The following SORCS3 variants were observed in gnomAD, a reference collection of about 807,000 sequenced individuals.
SORCS3 encodes sortilin related VPS10 domain containing receptor 3, also known as VPS10 domain-containing receptor SorCS3.
SORCS3 carries 57 observed loss-of-function variants against 146.3 expected under a neutral mutation model. The observed-to-expected ratio is 0.39, with a 90% CI of 0.31 to 0.49. The LOEUF is 0.49. Ranked by LOEUF, SORCS3 falls within the 20% of genes least tolerant of loss-of-function variation. The pLI is 0.92. For missense variants in SORCS3, 1,341 were observed against 1,575.5 expected (o/e 0.85, Z 2.52); for synonymous variants, 653 against 618.5 (o/e 1.06, Z -0.83).
chr10:105,131,103 G>T (rs1202822766), intron 7 of SORCS3, among the ~76,000 whole-genome samples: 7 of 152,142 alleles, frequency 4.6e-5, no homozygotes, highest in African/African-American at 1.7e-4. Context: ...AGCCTGTTTT[G>T]TTTTATTTTG....
intron 20 of SORCS3, among the ~76,000 whole-genome samples, chr10:105,241,647 C>A (rs796937263): frequency 3.3e-5 from 5 of 152,196 alleles, no homozygotes; most frequent in African/African-American, 1.2e-4. Flanking sequence ...TTTTACTGAG[C>A]AATGAAAACA....
rs778341948 is a variant in SORCS3 at position 105,200,089 on chromosome 10, C to T, written c.2100C>T (p.Asp700=). 3 of 1,613,528 alleles carry T rather than the reference C, an allele frequency of 1.9e-6. No individual in the cohort carries two copies. In the South Asian group the frequency reaches 3.3e-5, roughly 18 times the overall value. The change falls in exon 15 of 27, where the codon GAC becomes GAT. Residue 700 remains aspartate, a synonymous_variant. Coordinates refer to ENST00000369701, the MANE Select transcript of SORCS3 (RefSeq NM_014978.3). The stretch of plus-strand genomic sequence containing the variant: ...TCAGCCGGCATTGCACCAAGGAGGA[C>T]TATCAGACCTGGCACCTGCTCAATC... ...SIFSRHCTKE[D]YQTWHLLNQG...
chr10:105,053,821 A>G (rs1006737545), intron 5 of SORCS3, among the ~76,000 whole-genome samples: 1 of 152,076 alleles, frequency 6.6e-6, no homozygotes, highest in Non-Finnish European at 1.5e-5. Context: ...ATTAAAGTAA[A>G]CATTATAATG....
chr10:105,223,634 AG>A (rs1170469035), intron 20 of SORCS3, among the ~76,000 whole-genome samples: 1 of 152,234 alleles, frequency 6.6e-6, no homozygotes, highest in Non-Finnish European at 1.5e-5. Context: ...ATCTAAATGT[AG>A]GGTTGCCAAA....
chr10:104,887,374 A>G (rs1421952083), intron 2 of SORCS3, among the ~76,000 whole-genome samples: 5 of 152,186 alleles, frequency 3.3e-5, no homozygotes. Context: ...GGAAACAAAT[A>G]TGGATCTTGG....
chr10:104,813,148 G>A (rs779774972), intron 1 of SORCS3, among the ~76,000 whole-genome samples: 33 of 152,228 alleles, frequency 2.2e-4, no homozygotes, highest in South Asian at 6.2e-4. Context: ...TCTCTTAAAT[G>A]TGCCAAAGTA....
intron 4 of SORCS3, among the ~76,000 whole-genome samples, chr10:105,002,436 G>A (rs964646904): frequency 3.3e-4 from 50 of 152,294 alleles, no homozygotes; most frequent in Middle Eastern, 3.4e-3. Context: ...ATATCCTAGA[G>A]AGTAACATGA....
chr10:105,030,739 T>C (rs2055261039), intron 4 of SORCS3, among the ~76,000 whole-genome samples: 1 of 151,974 alleles, frequency 6.6e-6, no homozygotes, highest in Non-Finnish European at 1.5e-5. Flanking sequence ...ATTACAGGCA[T>C]GTGCCACTAT....
At chr10:105,200,186 A>C in intron 15 of SORCS3, 70 bp downstream of exon 15, 1 of 1,189,772 alleles carries the variant, frequency 8.4e-7, no homozygotes, top group Non-Finnish European at 1.2e-6. Context: ...ACTGGGTCTT[A>C]TCTGAGCCTT....
At position 104,883,975 on chromosome 10, in the gene SORCS3, TGAG is replaced by T. The variant is rs746061568; in HGVS notation, c.696-31856_696-31854del. Among the ~76,000 whole-genome samples, 506 of 145,652 alleles carry T rather than the reference TGAG, an allele frequency of 3.5e-3. 2 individuals are homozygous for T. Among genetic ancestry groups the T allele is most frequent in the South Asian group, 0.019 (88 of 4,648 alleles). The stretch of plus-strand genomic sequence containing the variant: ...CTACATCCACTGTTCTGCTGTGGAA[TGAG>T]GGGGGGGAAAGGGTCCTACCCTATC... On this transcript the variant is annotated intron_variant, in intron 2 of 26. Transcript: ENST00000369701.
intron 3 of SORCS3, among the ~76,000 whole-genome samples, chr10:104,958,457 C>T (rs1241881273): frequency 6.6e-6 from 1 of 152,128 alleles, no homozygotes; most frequent in Non-Finnish European, 1.5e-5. Context: ...ATTAAGAATG[C>T]TAATCAGCTG....
intron 1 of SORCS3, among the ~76,000 whole-genome samples, chr10:104,657,860 G>A (rs903874397): frequency 2.0e-5 from 3 of 152,134 alleles, no homozygotes; most frequent in East Asian, 3.9e-4. Flanking sequence ...TATTAGTTCC[G>A]ATAAAATATT....
chr10:105,176,229 T>C (rs1055565993), intron 13 of SORCS3, among the ~76,000 whole-genome samples: 21 of 152,052 alleles, frequency 1.4e-4, no homozygotes, highest in African/African-American at 4.3e-4. Flanking sequence ...ATTAACGGTA[T>C]GGTGTTTGAC....
At chr10:104,815,448 CAAAA>C (rs5787549) in intron 1 of SORCS3, among the ~76,000 whole-genome samples, 7 of 79,362 alleles carry the variant, frequency 8.8e-5, no homozygotes, top group Admixed American at 3.1e-4. Context: ...GACCCTGTCT[CAAAA>C]AAAAAAAAAA....
chr10:104,917,859 C>A (rs1403027113), intron 3 of SORCS3, among the ~76,000 whole-genome samples: 1 of 152,156 alleles, frequency 6.6e-6, no homozygotes, highest in Non-Finnish European at 1.5e-5. Context: ...TGTCTACGTA[C>A]CACATTTTCT....
chr10:105,238,764 C>T (rs190108236), intron 20 of SORCS3, among the ~76,000 whole-genome samples: 47 of 152,210 alleles, frequency 3.1e-4, no homozygotes, highest in Non-Finnish European at 5.7e-4. Context: ...TATTTAAGTG[C>T]GTATGTTTGT....
chr10:105,136,388 A>C (rs1320557403), intron 7 of SORCS3, among the ~76,000 whole-genome samples: 1 of 152,188 alleles, frequency 6.6e-6, no homozygotes, highest in Non-Finnish European at 1.5e-5. Flanking sequence ...CTCATGTCCC[A>C]GTCATGTCCT....
intron 4 of SORCS3, among the ~76,000 whole-genome samples, chr10:105,004,322 A>G (rs1349491083): frequency 6.6e-6 from 1 of 152,116 alleles, no homozygotes; most frequent in African/African-American, 2.4e-5. Context: ...CTCTCTACGG[A>G]GGGATGTGCA....
intron 3 of SORCS3, among the ~76,000 whole-genome samples, chr10:104,966,604 A>G (rs753527816): frequency 6.6e-6 from 1 of 152,188 alleles, no homozygotes; most frequent in Non-Finnish European, 1.5e-5. Flanking sequence ...AGTGAGAGAG[A>G]GACTGAGAAA....
Sources: gnomAD v4.1 joint callset for allele counts (sites outside exome capture counted in the v4.1 genomes callset) on GRCh38, gnomAD v4.1.1 for gene constraint, MANE v1.5 for transcripts, NCBI Gene and HGNC (gene_info 2026-07-23, HGNC 2026-07-21) for gene names.